Variants in NRIP1 observed in about 807,000 individuals in gnomAD.
NRIP1 encodes nuclear receptor-interacting protein 1.
NRIP1 carries 28 observed loss-of-function variants against 75.0 expected under a neutral mutation model. That is an observed-to-expected ratio of 0.37 (90% CI 0.28 to 0.51). NRIP1 has a LOEUF of 0.51. NRIP1 is among the 20% of genes least tolerant of loss of function. The pLI is 0.92. For synonymous variants in NRIP1, 526 were observed against 487.6 expected (o/e 1.08, Z -1.04); for missense variants, 1,435 against 1,343.7 (o/e 1.07, Z -1.06).
chr21:15,065,461 C>CT (rs1211789404), upstream of NRIP1, among the ~76,000 whole-genome samples: 3 of 152,152 alleles, frequency 2.0e-5, no homozygotes, highest in Non-Finnish European at 4.4e-5. Context: ...TGGGCACAGC[C>CT]TGGGGGCCGG....
rs1491392993 is a variant in NRIP1, at chr21:14,961,994, CAA to C, written c.*2720_*2721del. On this transcript the variant is annotated 3_prime_UTR_variant, in exon 4 of 4. Coordinates refer to ENST00000318948, the MANE Select transcript of NRIP1 (RefSeq NM_003489.4). Reference sequence around the variant, plus strand: ...ATTTTAACATCTTCATGTAACAAGTCAATATATATATATATACATATTATATA... The same window carrying C: ...ATTTTAACATCTTCATGTAACAAGTCTATATATATATATACATATTATATA... 6 of 124,192 alleles carry C rather than the reference CAA, an allele frequency of 4.8e-5. No homozygotes were observed. Among genetic ancestry groups the C allele is most frequent in the Non-Finnish European group, 6.5e-5 (4 of 61,706 alleles). 7.7% of individuals were successfully genotyped at this position (124,192 alleles called of 1,614,324 possible).
chr21:15,042,544 G>A (rs2088979432), intron 2 of NRIP1, among the ~76,000 whole-genome samples: 1 of 152,160 alleles, frequency 6.6e-6, no homozygotes, highest in Non-Finnish European at 1.5e-5. Flanking sequence ...TTTGGAGGTG[G>A]GGCCTTTGGT....
chr21:15,030,728 G>A (rs1600896327), intron 2 of NRIP1, among the ~76,000 whole-genome samples: 1 of 152,232 alleles, frequency 6.6e-6, no homozygotes. Flanking sequence ...GAGGAGGATA[G>A]GTGGTAAGGA....
rs973565243 is a variant in NRIP1, at chr21:14,963,319, GGTA to G, written c.*1394_*1396del. The G allele has an allele frequency of 6.6e-6, 1 of 152,426 alleles. No individual in the cohort carries two copies. The highest frequency in any genetic ancestry group is 1.5e-5 in the Non-Finnish European group (1 of 67,948). The allele number at this position is 152,426 out of a possible 1,614,324, so 9.4% of individuals were successfully genotyped here. A position where few individuals can be genotyped will look rare whatever the true frequency, so the allele number is the denominator to read the frequency against. On this transcript the variant is annotated 3_prime_UTR_variant, in exon 4 of 4. Transcript: ENST00000318948. ...AACCATCCTGGAATCACCTGAGTTTGGTAAGTGGCCCTGTTTTTCCATCCCTAA... is the reference window on the plus strand; with the variant it reads ...AACCATCCTGGAATCACCTGAGTTTGAGTGGCCCTGTTTTTCCATCCCTAA...
chr21:15,062,672 T>C (rs1241269288), intron 1 of NRIP1, among the ~76,000 whole-genome samples: 1 of 152,234 alleles, frequency 6.6e-6, no homozygotes, highest in Non-Finnish European at 1.5e-5. Flanking sequence ...TAGTACTTCT[T>C]AATCATTTTC....
chr21:14,995,923 T>C (rs933737243), intron 3 of NRIP1, among the ~76,000 whole-genome samples: 4 of 152,198 alleles, frequency 2.6e-5, no homozygotes, highest in African/African-American at 9.6e-5. Flanking sequence ...AAAGTCTGAA[T>C]TCCTTTCTAT....
At chr21:15,050,329 G>T in intron 1 of NRIP1, 1 of 195,818 alleles carries the variant, frequency 5.1e-6, no homozygotes, top group Non-Finnish European at 1.1e-5. Context: ...GATAACTTTT[G>T]TTTTTCTCAA....
At position 14,965,913 on chromosome 21, in the gene NRIP1, A is replaced by G. The variant is rs2086722102; in HGVS notation, c.2280T>C (p.Cys760=). ...ILMVKIKSEP[C]DDLQIPNTNV... is the part of the protein sequence containing the mutation. The stretch of plus-strand genomic sequence containing the variant: ...TTGTGTTAGGAATTTGTAAGTCATC[A>G]CAAGGCTCAGATTTTATTTTCACCA... Residue 760 remains cysteine (C), a synonymous_variant, in exon 4 of 4, where the codon TGT becomes TGC. Transcript: ENST00000318948. 6.2e-7 allele frequency: 1 copy of G among 1,614,132 alleles called. No homozygotes were observed. The highest frequency in any genetic ancestry group is 8.5e-7 in the Non-Finnish European group (1 of 1,179,998).
chr21:14,968,203 A>T lies in NRIP1; in HGVS notation c.-11T>A. 6 of 1,566,930 alleles carry T rather than the reference A, an allele frequency of 3.8e-6. No homozygotes were observed. The highest frequency in any genetic ancestry group is 5.2e-6 in the Non-Finnish European group (6 of 1,150,250). ...TTCTCCATGAGTCATGTTCAATAGAAGTGTTCACAAGGGCTTGGTTTCTAT... is the reference window on the plus strand; with the variant it reads ...TTCTCCATGAGTCATGTTCAATAGATGTGTTCACAAGGGCTTGGTTTCTAT... On this transcript the variant is annotated 5_prime_UTR_variant, in exon 4 of 4. Coordinates refer to ENST00000318948, the MANE Select transcript of NRIP1 (RefSeq NM_003489.4).
At chr21:15,019,902 G>A (rs1025740846) in intron 2 of NRIP1, among the ~76,000 whole-genome samples, 2 of 152,096 alleles carry the variant, frequency 1.3e-5, no homozygotes, top group African/African-American at 2.4e-5. Flanking sequence ...GGTGGCTCAC[G>A]CCTGCAATTC....
Position 14,966,267 on chromosome 21 carries a change from G to A in NRIP1, c.1926C>T (p.Ser642=), listed in dbSNP as rs2086736616. 1.2e-6 allele frequency: 2 copies of A among 1,613,964 alleles called. No individual in the cohort carries two copies. Among genetic ancestry groups the A allele is most frequent in the African/African-American group, 2.7e-5 (2 of 74,916 alleles). ...TGGGTCTCTGCTCTTCCACTGACAT[G>A]GATGACTGCATTCCACATTGTGCTA... ...QNLAQCGMQS[S]MSVEEQRPSK... The change falls in exon 4 of 4, where the codon TCC becomes TCT. Residue 642 remains serine (S), a synonymous_variant. Coordinates refer to ENST00000318948, the MANE Select transcript of NRIP1 (RefSeq NM_003489.4).
intron 3 of NRIP1, among the ~76,000 whole-genome samples, chr21:14,994,285 T>G (rs952332357): frequency 2.0e-5 from 3 of 152,090 alleles, no homozygotes; most frequent in Admixed American, 2.0e-4. Flanking sequence ...CCACCATGCC[T>G]GGCTAATTTT....
intron 1 of NRIP1, among the ~76,000 whole-genome samples, chr21:15,059,037 T>A: frequency 6.6e-6 from 1 of 152,210 alleles, no homozygotes. Flanking sequence ...AGTAGCTCTA[T>A]CACTTAACAA....
intron 3 of NRIP1, among the ~76,000 whole-genome samples, chr21:14,995,820 T>A (rs1339408896): frequency 1.3e-5 from 2 of 151,974 alleles, no homozygotes; most frequent in African/African-American, 4.8e-5. Flanking sequence ...CTGGCCCTCC[T>A]CCAACACATT....
chr21:14,996,150 T>G (rs767803709), intron 3 of NRIP1, among the ~76,000 whole-genome samples: 1 of 152,330 alleles, frequency 6.6e-6, no homozygotes, highest in South Asian at 2.1e-4. Flanking sequence ...TAACAAAACA[T>G]ACCATGGTAT....
chr21:14,985,062 A>G (rs1305360035), intron 3 of NRIP1, among the ~76,000 whole-genome samples: 1 of 152,348 alleles, frequency 6.6e-6, no homozygotes, highest in Middle Eastern at 3.4e-3. Flanking sequence ...TGAACCTGCA[A>G]TATCTCTGAG....
intron 3 of NRIP1, among the ~76,000 whole-genome samples, chr21:15,009,743 G>T (rs934718102): frequency 2.0e-5 from 3 of 152,078 alleles, no homozygotes; most frequent in African/African-American, 7.2e-5. Context: ...TATAGAACAT[G>T]ACAAAATAAT....
At chr21:14,984,515 T>C (rs2087338559) in intron 3 of NRIP1, among the ~76,000 whole-genome samples, 1 of 151,984 alleles carries the variant, frequency 6.6e-6, no homozygotes, top group Non-Finnish European at 1.5e-5. Context: ...TGAGATGGAA[T>C]CTACTCTGGT....
intron 3 of NRIP1, among the ~76,000 whole-genome samples, chr21:15,005,458 G>A (rs368704781): frequency 1.3e-5 from 2 of 152,108 alleles, no homozygotes; most frequent in Admixed American, 6.6e-5. Context: ...CAGTTTCACC[G>A]CATAATTTTT....
Sources: allele counts gnomAD v4.1 joint callset (sites outside exome capture counted in the v4.1 genomes callset), GRCh38; gene constraint gnomAD v4.1.1; transcripts MANE v1.5; gene names NCBI Gene and HGNC (gene_info 2026-07-23, HGNC 2026-07-21).